The following TULP4 variants were observed in gnomAD, a reference collection of about 807,000 sequenced individuals.
TULP4 encodes TUB like protein 4.
In TULP4, 16 loss-of-function variants were observed where a neutral mutation model predicts 129.0. That is an observed-to-expected ratio of 0.12 (90% confidence interval 0.08 to 0.19). The LOEUF (loss-of-function observed/expected upper bound fraction) is 0.19. TULP4 is among the 10% of genes least tolerant of loss of function. The pLI, the probability that TULP4 is intolerant of heterozygous loss-of-function variation, is 1.00. For missense variants in TULP4, 1,842 were observed against 2,059.1 expected (o/e 0.89, Z 2.04); for synonymous variants, 998 against 854.0 (o/e 1.17, Z -2.94).
intron 1 of TULP4, among the ~76,000 whole-genome samples, chr6:158,395,954 C>T (rs916590055): frequency 6.6e-5 from 10 of 152,030 alleles, no homozygotes; most frequent in African/African-American, 9.7e-5. Context: ...ATATGAAATA[C>T]GATGTCGAGT....
chr6:158,505,548 C>T (rs1056993128), intron 13 of TULP4, among the ~76,000 whole-genome samples: 3 of 152,250 alleles, frequency 2.0e-5, no homozygotes, highest in Non-Finnish European at 2.9e-5. Flanking sequence ...TCAGCCCCTG[C>T]TATAGTGCTA....
chr6:158,284,239 A>G (rs1177676758), intron 1 of TULP4, among the ~76,000 whole-genome samples: 1 of 152,252 alleles, frequency 6.6e-6, no homozygotes, highest in Non-Finnish European at 1.5e-5. Context: ...AAAACAAAAC[A>G]AAAACATCCA....
intron 1 of TULP4, among the ~76,000 whole-genome samples, chr6:158,348,288 A>G (rs962088446): frequency 1.3e-5 from 2 of 151,470 alleles, no homozygotes; most frequent in Non-Finnish European, 2.9e-5. Flanking sequence ...CACGTGAACA[A>G]AAGTCTCTGG....
At chr6:158,252,373 G>A (rs1370003288) in intron 1 of TULP4, among the ~76,000 whole-genome samples, 1 of 143,038 alleles carries the variant, frequency 7.0e-6, no homozygotes, top group Admixed American at 7.1e-5. Flanking sequence ...TTTTTTATAA[G>A]CTTTTGTTTA....
intron 2 of TULP4, among the ~76,000 whole-genome samples, chr6:158,422,167 G>C (rs766550827): frequency 2.0e-5 from 3 of 152,160 alleles, no homozygotes; most frequent in Non-Finnish European, 4.4e-5. Flanking sequence ...TGATAAGGTA[G>C]AGATCAACAA....
At chr6:158,422,377 T>C (rs764509059) in intron 2 of TULP4, among the ~76,000 whole-genome samples, 31 of 152,216 alleles carry the variant, frequency 2.0e-4, no homozygotes, top group Non-Finnish European at 4.3e-4. Flanking sequence ...TTTCAACAAA[T>C]GGTGCTGAAA....
At chr6:158,452,032 T>C in intron 4 of TULP4, 102 bp from the exon 5 acceptor site, 6 of 1,537,978 alleles carry the variant, frequency 3.9e-6, no homozygotes, top group Non-Finnish European at 4.4e-6. Flanking sequence ...GGATCTGCAT[T>C]GTCAGGCAAT....
intron 2 of TULP4, among the ~76,000 whole-genome samples, chr6:158,422,005 C>CT (rs1411111403): frequency 1.3e-5 from 2 of 151,202 alleles, no homozygotes; most frequent in Non-Finnish European, 3.0e-5. Context: ...AATGTATATC[C>CT]TTAATTACTT....
At chr6:158,447,307 A>T (rs1256346793) in intron 3 of TULP4, among the ~76,000 whole-genome samples, 5 of 152,098 alleles carry the variant, frequency 3.3e-5, no homozygotes, top group Non-Finnish European at 7.4e-5. Context: ...GACAGCTAAA[A>T]TTTCACCTTT....
intron 1 of TULP4, among the ~76,000 whole-genome samples, chr6:158,348,629 C>G (rs1410212256): frequency 1.3e-5 from 2 of 151,938 alleles, no homozygotes; most frequent in Non-Finnish European, 2.9e-5. Context: ...CCACATTTCC[C>G]CCTTTTCTTT....
intron 1 of TULP4, among the ~76,000 whole-genome samples, chr6:158,269,656 A>G (rs900834867): frequency 1.3e-5 from 2 of 152,218 alleles, no homozygotes; most frequent in African/African-American, 2.4e-5. Flanking sequence ...TTAATAATCT[A>G]TTTTATTCCA....
upstream of TULP4, chr6:158,282,180 C>T (rs541955032): frequency 6.6e-6 from 1 of 152,220 alleles, no homozygotes; most frequent in African/African-American, 2.4e-5. Flanking sequence ...AGTGCATGTT[C>T]ATTTTTAAGT....
chr6:158,298,199 A>G (rs960527510), intron 1 of TULP4, among the ~76,000 whole-genome samples: 1 of 152,254 alleles, frequency 6.6e-6, no homozygotes, highest in East Asian at 1.9e-4. Flanking sequence ...GTTCTTTTTC[A>G]AGGTGCACTG....
At chr6:158,388,248 T>C (rs1482968819) in intron 1 of TULP4, among the ~76,000 whole-genome samples, 1 of 152,098 alleles carries the variant, frequency 6.6e-6, no homozygotes, top group Non-Finnish European at 1.5e-5. Flanking sequence ...CCATGTAATT[T>C]TGTTTCTATA....
intron 4 of TULP4, among the ~76,000 whole-genome samples, chr6:158,450,471 T>C (rs1478155001): frequency 6.6e-6 from 1 of 152,232 alleles, no homozygotes; most frequent in Non-Finnish European, 1.5e-5. Flanking sequence ...TTATTCATTT[T>C]AGGAGAAGGC....
chr6:158,235,707 T>A (rs1366672104), intron 1 of TULP4, among the ~76,000 whole-genome samples: 1 of 152,204 alleles, frequency 6.6e-6, no homozygotes, highest in Non-Finnish European at 1.5e-5. Flanking sequence ...CCACATTTTG[T>A]TGATAAACGT....
At position 158,313,400 on chromosome 6, in the gene TULP4, C is replaced by CT. The variant is rs969129172; in HGVS notation, c.-610dup. On this transcript the variant is annotated 5_prime_UTR_variant, in exon 1 of 14. Coordinates refer to ENST00000367097, the MANE Select transcript of TULP4 (RefSeq NM_020245.5). ...GGTCTGTTTTGCACGGTTTGTGTGC[C>CT]TTTTTTTCCCTTTATGCAATCTTTT... is the stretch of plus-strand genomic sequence containing the variant. 1 of 398,548 alleles carries CT rather than the reference C, an allele frequency of 2.5e-6. No individual in the cohort carries two copies. The allele number at this position is 398,548 out of a possible 1,614,324, so 24.7% of individuals were successfully genotyped here. A position where few individuals can be genotyped will look rare whatever the true frequency, so the allele number is the denominator to read the frequency against.
upstream of TULP4, chr6:158,310,284 G>T (rs1274317967): frequency 6.6e-6 from 1 of 151,664 alleles, no homozygotes; most frequent in Non-Finnish European, 1.5e-5. Context: ...CATAGCTAGA[G>T]CGGGAGCAGC....
intron 1 of TULP4, among the ~76,000 whole-genome samples, chr6:158,400,211 G>A (rs913542382): frequency 2.0e-5 from 3 of 152,116 alleles, no homozygotes; most frequent in Non-Finnish European, 4.4e-5. Flanking sequence ...TTATTGTAAA[G>A]GTATTTTTAT....
Sources: allele counts gnomAD v4.1 joint callset (sites outside exome capture counted in the v4.1 genomes callset), GRCh38; gene constraint gnomAD v4.1.1; transcripts MANE v1.5; gene names NCBI Gene and HGNC (gene_info 2026-07-23, HGNC 2026-07-21).